CYP2C18: variants seen among roughly 807,000 people sequenced by gnomAD.
The protein encoded by CYP2C18 is cytochrome P450 family 2 subfamily C member 18, also known as cytochrome P450 2C18.
In CYP2C18, 38 loss-of-function variants were observed where a neutral mutation model predicts 41.3. The ratio of observed to expected loss-of-function variants is 0.92; its 90% CI spans 0.71 to 1.21. The LOEUF (loss-of-function observed/expected upper bound fraction) is 1.21, where lower values mean the gene tolerates loss of function less well. Ranked by LOEUF, CYP2C18 falls within the 50% of genes most tolerant of loss-of-function variation. CYP2C18 has a pLI of 0.00. For synonymous variants in CYP2C18, 236 were observed against 210.0 expected (o/e 1.12, Z -1.07); for missense variants, 635 against 591.4 (o/e 1.07, Z -0.77).
At chr10:94,726,596 G>T (rs1306775284) in intron 7 of CYP2C18, among the ~76,000 whole-genome samples, 1 of 152,050 alleles carries the variant, frequency 6.6e-6, no homozygotes, top group African/African-American at 2.4e-5. Context: ...ATCATTGATG[G>T]ACATTTGGGT....
chr10:94,719,598 G>A (rs1301029325), intron 5 of CYP2C18, among the ~76,000 whole-genome samples: 1 of 151,200 alleles, frequency 6.6e-6, no homozygotes, highest in Non-Finnish European at 1.5e-5. Flanking sequence ...TTTTTTGAGA[G>A]GAGTTTCACT....
intron 5 of CYP2C18, among the ~76,000 whole-genome samples, chr10:94,716,841 C>G (rs1038202281): frequency 6.6e-6 from 1 of 152,150 alleles, no homozygotes; most frequent in African/African-American, 2.4e-5. Context: ...TCTCTAAGGA[C>G]TTGCTTTATG....
chr10:94,697,373 C>A (rs1198112984), intron 4 of CYP2C18, among the ~76,000 whole-genome samples: 2 of 152,024 alleles, frequency 1.3e-5, no homozygotes, highest in Non-Finnish European at 2.9e-5. Flanking sequence ...TCATATCCAG[C>A]CAAACTAAGC....
chr10:94,720,465 G>T lies in CYP2C18; in HGVS notation c.889G>T (p.Ala297Ser). The change falls in exon 6 of 9, where the codon GCT (alanine) becomes TCT (serine). Residue 297 changes from alanine (A) to serine (S), a missense_variant. Ala to Ser is a moderately conservative substitution (Grantham distance 99). Coordinates refer to ENST00000285979, the MANE Select transcript of CYP2C18 (RefSeq NM_000772.3). Reference protein sequence around the residue: ...LIATVTDMFGAGTETTSTTLR... With the variant: ...LIATVTDMFGSGTETTSTTLR... ...AGCCACTGTAACTGATATGTTTGGG[G>T]CTGGAACAGAGACAACGAGCACCAC... 1 of 1,613,316 alleles carries T rather than the reference G, an allele frequency of 6.2e-7. No individual in the cohort carries two copies.
At chr10:94,717,333 C>T (rs1015189249) in intron 5 of CYP2C18, among the ~76,000 whole-genome samples, 1 of 152,078 alleles carries the variant, frequency 6.6e-6, no homozygotes, top group African/African-American at 2.4e-5. Flanking sequence ...TTTTTGCTTT[C>T]CATGTTTAGT....
rs763429892 is a variant in CYP2C18, at chr10:94,688,283, CTT to C, written c.481+18_481+19del. ...GTTGAGAAAAACCAATGGTGGGTGA[CTT>C]TTTTTTTTCCTGAAAAATGTTTTCT... On this transcript the variant is annotated intron_variant, in intron 3 of 8. Coordinates refer to ENST00000285979, the MANE Select transcript of CYP2C18 (RefSeq NM_000772.3). 26 of 1,478,800 alleles carry C rather than the reference CTT, an allele frequency of 1.8e-5. No individual in the cohort carries two copies. Among genetic ancestry groups the C allele is most frequent in the Non-Finnish European group, 2.1e-5 (23 of 1,098,790 alleles). 91.6% of individuals were successfully genotyped at this position (1,478,800 alleles called of 1,614,324 possible). A position where few individuals can be genotyped will look rare whatever the true frequency, so the allele number is the denominator to read the frequency against.
intron 6 of CYP2C18, among the ~76,000 whole-genome samples, chr10:94,724,068 A>C (rs540271378): frequency 1.7e-4 from 26 of 151,766 alleles, no homozygotes; most frequent in African/African-American, 6.3e-4. Context: ...TAATGTACTA[A>C]ATATTTATAT....
At chr10:94,724,590 G>C in intron 7 of CYP2C18, 57 bp downstream of exon 7, 1 of 1,474,536 alleles carries the variant, frequency 6.8e-7, no homozygotes, top group South Asian at 1.2e-5. Context: ...CAAATTCATA[G>C]TATAGTCCCA....
At chr10:94,720,252 G>A (rs1474574563) in intron 5 of CYP2C18, 144 bp from the exon 6 acceptor site, 28 of 634,726 alleles carry the variant, frequency 4.4e-5, no homozygotes, top group East Asian at 8.4e-5. Context: ...CTGCCACACC[G>A]TGCAATTGTT....
chr10:94,707,369 G>A (rs532635645), intron 5 of CYP2C18, among the ~76,000 whole-genome samples: 58 of 152,220 alleles, frequency 3.8e-4, no homozygotes, highest in African/African-American at 1.3e-3. Flanking sequence ...TGAATAACGG[G>A]GCAGTCAATT....
intron 4 of CYP2C18, among the ~76,000 whole-genome samples, chr10:94,700,589 A>G (rs1371876993): frequency 1.3e-5 from 2 of 152,256 alleles, no homozygotes; most frequent in East Asian, 1.9e-4. Context: ...CTGGAATACC[A>G]AAAGCAATGG....
chr10:94,716,002 T>G (rs1483094763), intron 5 of CYP2C18, among the ~76,000 whole-genome samples: 2 of 152,216 alleles, frequency 1.3e-5, no homozygotes, highest in Non-Finnish European at 2.9e-5. Context: ...TGATGGTAGT[T>G]TGCATTTCTG....
chr10:94,728,656 T>C (rs1001301966), intron 7 of CYP2C18: 3 of 938,514 alleles, frequency 3.2e-6, no homozygotes, highest in African/African-American at 1.8e-5. Flanking sequence ...AGTGTACTTG[T>C]TGATATCATC....
intron 5 of CYP2C18, among the ~76,000 whole-genome samples, chr10:94,713,329 C>T (rs1011035246): frequency 4.6e-5 from 7 of 152,028 alleles, no homozygotes; most frequent in South Asian, 2.1e-4. Context: ...TATCCCTCCC[C>T]GCTCCCCCCA....
chr10:94,716,380 G>T (rs1250199277), intron 5 of CYP2C18, among the ~76,000 whole-genome samples: 4 of 152,112 alleles, frequency 2.6e-5, no homozygotes, highest in Non-Finnish European at 5.9e-5. Flanking sequence ...CTGGTATGTT[G>T]TGTCTTTGTT....
intron 4 of CYP2C18, among the ~76,000 whole-genome samples, chr10:94,704,007 C>T (rs1288637594): frequency 6.6e-6 from 1 of 152,186 alleles, no homozygotes; most frequent in Non-Finnish European, 1.5e-5. Context: ...CGTTGTGCTT[C>T]CTGGGTGAGC....
chr10:94,702,355 C>T (rs1847262101), intron 4 of CYP2C18, among the ~76,000 whole-genome samples: 1 of 152,172 alleles, frequency 6.6e-6, no homozygotes, highest in African/African-American at 2.4e-5. Context: ...TTCTCCCCGT[C>T]ACTTTCAGAT....
chr10:94,716,206 A>T (rs1847539917), intron 5 of CYP2C18, among the ~76,000 whole-genome samples: 2 of 151,758 alleles, frequency 1.3e-5, no homozygotes. Context: ...GATCTTAGTT[A>T]TTTCTTGCCT....
At chr10:94,730,844 T>C (rs916428548) in intron 7 of CYP2C18, among the ~76,000 whole-genome samples, 5 of 152,066 alleles carry the variant, frequency 3.3e-5, no homozygotes, top group African/African-American at 4.8e-5. Flanking sequence ...GGATACAAAA[T>C]AAATGCACAA....
Sources: allele counts gnomAD v4.1 joint callset (sites outside exome capture counted in the v4.1 genomes callset), GRCh38; gene constraint gnomAD v4.1.1; transcripts MANE v1.5; gene names NCBI Gene and HGNC (gene_info 2026-07-23, HGNC 2026-07-21).